Variants in TENM3 observed in about 807,000 individuals in gnomAD.
TENM3 encodes teneurin-3.
A neutral mutation model predicts 255.1 loss-of-function variants in TENM3; 63 were observed. The ratio of observed to expected loss-of-function variants is 0.25; its 90% CI spans 0.20 to 0.30. The LOEUF (loss-of-function observed/expected upper bound fraction) is 0.30. Among genes scored for constraint, TENM3 ranks in the 10% least tolerant of loss-of-function variants. TENM3 has a pLI of 1.00. For synonymous variants in TENM3, 1,306 were observed against 1,322.3 expected (o/e 0.99, Z 0.27); for missense variants, 2,929 against 3,461.1 (o/e 0.85, Z 3.86).
At chr4:181,722,904 G>A in the TENM3 span, among the ~76,000 whole-genome samples, 1 of 152,110 alleles carries the variant, frequency 6.6e-6, no homozygotes, top group Non-Finnish European at 1.5e-5. Flanking sequence ...GACTCATTGT[G>A]TGTAGGGGTC....
At chr4:181,466,124 T>TTA in the TENM3 span, among the ~76,000 whole-genome samples, 3 of 150,116 alleles carry the variant, frequency 2.0e-5, no homozygotes, top group South Asian at 6.4e-4. Flanking sequence ...TTTTTTTTGT[T>TTA]TTGTTTTTTT....
chr4:182,408,559 T>C (rs1769746587), intron 3 of TENM3, among the ~76,000 whole-genome samples: 1 of 152,048 alleles, frequency 6.6e-6, no homozygotes, highest in Non-Finnish European at 1.5e-5. Flanking sequence ...ATGGTAAAGG[T>C]GGGATTGCAA....
At chr4:182,122,816 G>A in the TENM3 span, among the ~76,000 whole-genome samples, 1 of 152,198 alleles carries the variant, frequency 6.6e-6, no homozygotes, top group Non-Finnish European at 1.5e-5. Context: ...CTTGTCTCTA[G>A]CTATGAAAGT....
the TENM3 span, among the ~76,000 whole-genome samples, chr4:181,627,708 G>A: frequency 5.3e-5 from 8 of 152,122 alleles, no homozygotes; most frequent in Non-Finnish European, 1.2e-4. Context: ...ATGTATATGA[G>A]CCACATTTTC....
At chr4:182,496,920 G>C (rs1735821046) in intron 3 of TENM3, among the ~76,000 whole-genome samples, 1 of 152,130 alleles carries the variant, frequency 6.6e-6, no homozygotes, top group Non-Finnish European at 1.5e-5. Flanking sequence ...TTTCTAATGA[G>C]ACATATTGTA....
intron 3 of TENM3, among the ~76,000 whole-genome samples, chr4:182,565,675 T>C (rs1743718972): frequency 6.6e-6 from 1 of 152,234 alleles, no homozygotes; most frequent in Non-Finnish European, 1.5e-5. Context: ...CAGATTTCTC[T>C]TTATTAAGTG....
intron 24 of TENM3, among the ~76,000 whole-genome samples, chr4:182,786,741 C>T (rs1453189236): frequency 2.6e-5 from 4 of 151,916 alleles, no homozygotes; most frequent in Admixed American, 2.6e-4. Context: ...AAAATGAATG[C>T]CAAGGAAAAT....
intron 3 of TENM3, among the ~76,000 whole-genome samples, chr4:182,598,762 C>T (rs1437355173): frequency 6.6e-6 from 1 of 152,134 alleles, no homozygotes; most frequent in Admixed American, 6.5e-5. Flanking sequence ...GGGTGCATTT[C>T]ACTGAATCCT....
chr4:182,490,106 C>A (rs1324784031), intron 3 of TENM3, among the ~76,000 whole-genome samples: 1 of 152,166 alleles, frequency 6.6e-6, no homozygotes, highest in Non-Finnish European at 1.5e-5. Context: ...TGTCTTAATT[C>A]TCACTATATT....
chr4:182,032,138 A>G, the TENM3 span, among the ~76,000 whole-genome samples: 1 of 152,152 alleles, frequency 6.6e-6, no homozygotes, highest in African/African-American at 2.4e-5. Flanking sequence ...CCAGTTTTCA[A>G]GTGGAATGCT....
chr4:182,702,582 A>G (rs1757958819), intron 12 of TENM3, among the ~76,000 whole-genome samples: 1 of 152,168 alleles, frequency 6.6e-6, no homozygotes, highest in South Asian at 2.1e-4. Context: ...AAACTGTTCT[A>G]CATTAATTAT....
At chr4:181,742,676 A>ATT in the TENM3 span, among the ~76,000 whole-genome samples, 2 of 150,960 alleles carry the variant, frequency 1.3e-5, no homozygotes, top group South Asian at 2.1e-4. Flanking sequence ...ATTTATTTTT[A>ATT]TTTTTTTTTA....
intron 21 of TENM3, 90 bp downstream of exon 21, chr4:182,753,694 G>C: frequency 4.0e-6 from 5 of 1,244,466 alleles, no homozygotes; most frequent in Non-Finnish European, 5.7e-6. Flanking sequence ...ATATTAAACT[G>C]CATATATCAT....
the TENM3 span, among the ~76,000 whole-genome samples, chr4:181,725,345 A>T: frequency 6.6e-6 from 1 of 152,040 alleles, no homozygotes; most frequent in Non-Finnish European, 1.5e-5. Flanking sequence ...TTATGTCTTT[A>T]TATGAATTTT....
chr4:182,079,380 G>A, the TENM3 span, among the ~76,000 whole-genome samples: 1 of 152,106 alleles, frequency 6.6e-6, no homozygotes, highest in Non-Finnish European at 1.5e-5. Context: ...GCCGGGCGCA[G>A]TGGCGGGTGC....
chr4:182,168,788 G>C (rs189322013), intron 1 of TENM3, among the ~76,000 whole-genome samples: 1 of 151,330 alleles, frequency 6.6e-6, no homozygotes, highest in East Asian at 1.9e-4. Flanking sequence ...TCTTCTCTAA[G>C]TGGATATCTC....
chr4:182,480,605 A>G (rs1734103000), intron 3 of TENM3, among the ~76,000 whole-genome samples: 2 of 152,130 alleles, frequency 1.3e-5, no homozygotes, highest in Admixed American at 6.5e-5. Context: ...CTTCGTAAAG[A>G]TGAAAAGTTA....
At chr4:181,773,963 A>G in the TENM3 span, among the ~76,000 whole-genome samples, 1 of 149,430 alleles carries the variant, frequency 6.7e-6, no homozygotes, top group Non-Finnish European at 1.5e-5. Flanking sequence ...ACTTAGCTAT[A>G]ACTTGTTAAT....
chr4:182,417,987 T>A (rs953158243), intron 3 of TENM3, among the ~76,000 whole-genome samples: 3 of 151,958 alleles, frequency 2.0e-5, no homozygotes, highest in African/African-American at 7.2e-5. Flanking sequence ...TTAATATCCC[T>A]AATTTTGAAA....
Sources: allele counts gnomAD v4.1 joint callset (sites outside exome capture counted in the v4.1 genomes callset), GRCh38; gene constraint gnomAD v4.1.1; transcripts MANE v1.5; gene names NCBI Gene and HGNC (gene_info 2026-07-23, HGNC 2026-07-21).